CNKSR2: variants seen among roughly 807,000 people sequenced by gnomAD.
The protein encoded by CNKSR2 is CNK homolog protein 2.
In CNKSR2, 14 loss-of-function variants were observed where a neutral mutation model predicts 84.4. The ratio of observed to expected loss-of-function variants is 0.17; its 90% confidence interval spans 0.11 to 0.26. The LOEUF (loss-of-function observed/expected upper bound fraction) is 0.26. CNKSR2 is among the 10% of genes least tolerant of loss of function. CNKSR2 has a pLI of 1.00. For synonymous variants in CNKSR2, 275 were observed against 277.9 expected (o/e 0.99, Z 0.10); for missense variants, 485 against 771.2 (o/e 0.63, Z 4.40).
rs746573720 is a variant in CNKSR2, at chrX:21,405,273, T to A, written c.65-21224T>A. ...TTAATATCCATATACTATTGGGCAT[T>A]CTTATCCAGGAATGTGCTATACTTT... On this transcript the variant is annotated intron_variant, in intron 1 of 21. Coordinates refer to ENST00000379510, the MANE Select transcript of CNKSR2 (RefSeq NM_014927.5). Among the ~76,000 whole-genome samples the A allele has an allele frequency of 5.4e-5, 6 of 112,014 alleles. No homozygotes were observed. The South Asian group carries it at 1.9e-3, about 35-fold the overall frequency.
At chrX:21,605,869 C>T (rs1487898453) in intron 18 of CNKSR2, among the ~76,000 whole-genome samples, 2 of 111,718 alleles carry the variant, frequency 1.8e-5, no homozygotes, top group Non-Finnish European at 3.8e-5. Flanking sequence ...AATAAGGAGA[C>T]TTTTGTTTTA....
At chrX:21,591,710 G>T (rs144368832) in intron 15 of CNKSR2, 5,264 of 109,530 alleles carry the variant, frequency 0.048, 111 homozygotes, top group Non-Finnish European at 0.054. Flanking sequence ...TGGCCCAGTG[G>T]GGGGGTATAT....
chrX:21,471,791 A>G (rs2091200915), intron 5 of CNKSR2, among the ~76,000 whole-genome samples: 1 of 111,432 alleles, frequency 9.0e-6, no homozygotes, highest in Non-Finnish European at 1.9e-5. Context: ...TAGTCTCAGG[A>G]GTGGATAATT....
intron 4 of CNKSR2, among the ~76,000 whole-genome samples, chrX:21,453,310 G>T (rs1381386871): frequency 8.9e-6 from 1 of 111,775 alleles, no homozygotes; most frequent in African/African-American, 3.2e-5. Context: ...CATATATGCA[G>T]AAACAATATA....
At chrX:21,556,568 G>C (rs1477383138) in intron 11 of CNKSR2, among the ~76,000 whole-genome samples, 5 of 110,831 alleles carry the variant, frequency 4.5e-5, no homozygotes, top group African/African-American at 1.6e-4. Flanking sequence ...GGTAAGGAAA[G>C]TGTTTCAAGG....
chrX:21,452,864 A>G (rs997733798), intron 4 of CNKSR2, among the ~76,000 whole-genome samples: 1 of 106,428 alleles, frequency 9.4e-6, no homozygotes, highest in Non-Finnish European at 1.9e-5. Flanking sequence ...TTTGAACTAC[A>G]TTTCTATAAT....
intron 20 of CNKSR2, among the ~76,000 whole-genome samples, chrX:21,648,363 T>C (rs763212860): frequency 1.8e-5 from 2 of 111,761 alleles, no homozygotes; most frequent in Non-Finnish European, 3.8e-5. Context: ...GTTCATTCAG[T>C]ATTGCTAAAC....
chrX:21,380,121 A>G (rs186619201), intron 1 of CNKSR2, among the ~76,000 whole-genome samples: 303 of 111,658 alleles, frequency 2.7e-3, no homozygotes, highest in Middle Eastern at 9.2e-3. Context: ...TTTCACAAAG[A>G]CAATAAAACT....
chrX:21,462,996 G>A (rs1026170419), intron 4 of CNKSR2, among the ~76,000 whole-genome samples: 2 of 110,752 alleles, frequency 1.8e-5, no homozygotes, highest in Non-Finnish European at 3.8e-5. Context: ...ATGAGCCACC[G>A]AGTCCGGCTC....
intron 20 of CNKSR2, among the ~76,000 whole-genome samples, chrX:21,631,475 CTATT>C (rs776352779): frequency 2.3e-3 from 261 of 111,876 alleles, no homozygotes; most frequent in African/African-American, 7.8e-3. Context: ...ATATTTCTGC[CTATT>C]TATTTATCTA....
intron 7 of CNKSR2, among the ~76,000 whole-genome samples, chrX:21,498,622 ATAAGC>A (rs1396043449): frequency 3.6e-5 from 4 of 112,102 alleles, no homozygotes; most frequent in African/African-American, 1.3e-4. Flanking sequence ...TGAAAATTAA[ATAAGC>A]TAAGAAAAGG....
At chrX:21,512,621 A>C (rs773595148) in intron 8 of CNKSR2, among the ~76,000 whole-genome samples, 1 of 111,435 alleles carries the variant, frequency 9.0e-6, no homozygotes, top group South Asian at 3.8e-4. Flanking sequence ...GTAGGTATCC[A>C]AGCCAGAACT....
At chrX:21,649,687 A>G (rs1026585881) in intron 21 of CNKSR2, among the ~76,000 whole-genome samples, 5 of 111,776 alleles carry the variant, frequency 4.5e-5, no homozygotes, top group Admixed American at 9.5e-5. Context: ...GAGGCAGACA[A>G]GTGAGCCCTG....
intron 20 of CNKSR2, among the ~76,000 whole-genome samples, chrX:21,632,826 A>G (rs940271892): frequency 4.2e-4 from 47 of 112,067 alleles, no homozygotes; most frequent in Non-Finnish European, 7.0e-4. Context: ...GGAAGAACTA[A>G]TGTAATTTAT....
intron 9 of CNKSR2, among the ~76,000 whole-genome samples, chrX:21,520,895 G>C (rs2091776738): frequency 9.1e-6 from 1 of 109,919 alleles, no homozygotes. Flanking sequence ...TTGTGATTTT[G>C]TGTTTTTCCA....
chrX:21,569,909 A>G (rs989554489), intron 13 of CNKSR2, among the ~76,000 whole-genome samples: 1 of 112,360 alleles, frequency 8.9e-6, no homozygotes. Context: ...TCTGAGCAGT[A>G]GGTCCCAATG....
chrX:21,432,471 C>T (rs1449751288), intron 2 of CNKSR2, 141 bp from the exon 3 acceptor site: 11 of 454,408 alleles, frequency 2.4e-5, no homozygotes, highest in Admixed American at 1.3e-4. Context: ...CTGTGGGCTC[C>T]GCTAGGTCAG....
intron 20 of CNKSR2, chrX:21,643,928 C>T (rs1238691290): frequency 9.0e-6 from 1 of 111,193 alleles, no homozygotes; most frequent in Non-Finnish European, 1.9e-5. Context: ...ATAGTATAAA[C>T]CCCTGAATAC....
chrX:21,614,436 G>A (rs2092567084), intron 20 of CNKSR2, among the ~76,000 whole-genome samples: 1 of 111,648 alleles, frequency 9.0e-6, no homozygotes, highest in African/African-American at 3.3e-5. Context: ...TATAGTTCAT[G>A]TCTAAAGGGA....
Sources: gnomAD v4.1 joint callset for allele counts (sites outside exome capture counted in the v4.1 genomes callset) on GRCh38, gnomAD v4.1.1 for gene constraint, MANE v1.5 for transcripts, NCBI Gene and HGNC (gene_info 2026-07-23, HGNC 2026-07-21) for gene names.